The following ATP8A2 variants were observed in gnomAD, a reference collection of about 807,000 sequenced individuals.
The protein encoded by ATP8A2 is ATPase phospholipid transporting 8A2, also known as phospholipid-transporting ATPase IB.
ATP8A2 carries 100 observed loss-of-function variants against 165.6 expected under a neutral mutation model. The ratio of observed to expected loss-of-function variants is 0.60; its 90% CI spans 0.51 to 0.71. The LOEUF (loss-of-function observed/expected upper bound fraction) is 0.71, where lower values mean the gene tolerates loss of function less well. Ranked by LOEUF, ATP8A2 falls within the 30% of genes least tolerant of loss-of-function variation. ATP8A2 has a pLI of 0.00. For synonymous variants in ATP8A2, 543 were observed against 548.8 expected, an observed-to-expected ratio of 0.99 and a Z score of 0.15; for missense variants, 1,227 against 1,479.5, an observed-to-expected ratio of 0.83 and a Z score of 2.80.
At chr13:25,860,124 T>C in intron 30 of ATP8A2, 71 bp from the exon 31 acceptor site, 3 of 987,740 alleles carry the variant, frequency 3.0e-6, no homozygotes, top group Non-Finnish European at 4.8e-6. Flanking sequence ...GTTCCCTGTT[T>C]AATGCTCTGA....
chr13:25,873,381 G>A (rs192774808), intron 33 of ATP8A2, among the ~76,000 whole-genome samples: 4 of 152,334 alleles, frequency 2.6e-5, no homozygotes, highest in African/African-American at 9.6e-5. Flanking sequence ...AATGTTGGAA[G>A]GAAGAGGTCA....
chr13:25,874,593 C>T (rs1012380286), intron 33 of ATP8A2, among the ~76,000 whole-genome samples: 6 of 152,102 alleles, frequency 3.9e-5, no homozygotes, highest in Admixed American at 2.0e-4. Flanking sequence ...GTGGAGAGAT[C>T]GAAACGCTTG....
intron 6 of ATP8A2, 90 bp downstream of exon 6, chr13:25,533,403 T>A: frequency 1.4e-6 from 1 of 725,014 alleles, no homozygotes. Context: ...AAGTTTCTGT[T>A]AGACACAGTA....
Position 25,699,435 on chromosome 13 carries a change from G to C in ATP8A2, c.2384+90G>C, listed in dbSNP as rs1167600269. The C allele has an allele frequency of 7.6e-6, 8 of 1,056,416 alleles. No homozygotes were observed. In the South Asian group the frequency reaches 1.7e-4, roughly 22 times the overall value. 65.4% of individuals were successfully genotyped at this position (1,056,416 alleles called of 1,614,324 possible). On this transcript the variant is annotated intron_variant, in intron 25 of 36. Coordinates refer to ENST00000381655, the MANE Select transcript of ATP8A2 (RefSeq NM_016529.6). ...AGAAAGGGATGCATGGGAATTCTAG[G>C]TTTAAAGTTTTGTATCTAAAAAAGG...
intron 1 of ATP8A2, among the ~76,000 whole-genome samples, chr13:25,400,421 C>T (rs779529292): frequency 4.7e-4 from 71 of 152,002 alleles, no homozygotes; most frequent in Middle Eastern, 3.4e-3. Context: ...GGGGTACATG[C>T]GAGTGTTTGT....
At chr13:25,439,922 T>G (rs896823409) in intron 1 of ATP8A2, among the ~76,000 whole-genome samples, 1 of 151,112 alleles carries the variant, frequency 6.6e-6, no homozygotes, top group Non-Finnish European at 1.5e-5. Context: ...AAAAAAAAAT[T>G]AAAAGTTAAC....
At chr13:25,872,167 C>T (rs149525289) in intron 33 of ATP8A2, among the ~76,000 whole-genome samples, 124 of 152,080 alleles carry the variant, frequency 8.2e-4, no homozygotes, top group African/African-American at 2.6e-3. Context: ...CCTCACTGAC[C>T]ATGGCAGTTG....
At chr13:25,542,074 T>C (rs1426785125) in intron 9 of ATP8A2, 28 bp downstream of exon 9, 1 of 1,604,504 alleles carries the variant, frequency 6.2e-7, no homozygotes, top group Non-Finnish European at 8.5e-7. Flanking sequence ...TTCATTGTCT[T>C]TTAAACTATG....
At chr13:25,529,511 G>A (rs1439649095) in intron 2 of ATP8A2, among the ~76,000 whole-genome samples, 3 of 152,144 alleles carry the variant, frequency 2.0e-5, no homozygotes, top group Non-Finnish European at 4.4e-5. Flanking sequence ...AGGATACTTT[G>A]GTCATGGAGA....
At chr13:25,420,722 A>G (rs185651817) in intron 1 of ATP8A2, among the ~76,000 whole-genome samples, 145 of 152,356 alleles carry the variant, frequency 9.5e-4, no homozygotes, top group African/African-American at 3.3e-3. Flanking sequence ...AAAAGAGTTC[A>G]ATGCTCTCAT....
intron 24 of ATP8A2, among the ~76,000 whole-genome samples, chr13:25,616,326 C>CT (rs535891442): frequency 0.063 from 6,772 of 106,762 alleles, 453 homozygotes; most frequent in Non-Finnish European, 0.097. Flanking sequence ...TTCTTTCTTT[C>CT]TTTTTTTTTT....
rs1160721303 is a variant in ATP8A2 at position 25,701,276 on chromosome 13, C to T, written c.2384+1931C>T. Among the ~76,000 whole-genome samples the T allele has an allele frequency of 2.0e-5, 3 of 152,236 alleles. No homozygotes were observed. In the East Asian group the frequency reaches 5.8e-4, roughly 29 times the overall value. On this transcript the variant is annotated intron_variant, in intron 25 of 36. Coordinates refer to ENST00000381655, the MANE Select transcript of ATP8A2 (RefSeq NM_016529.6). Reference sequence around the variant, plus strand: ...AAGTAGCTGATCCTGTGCTTTCTTTCCTGGGTTCTATTTGAGCAGTTTAGA... The same window carrying T: ...AAGTAGCTGATCCTGTGCTTTCTTTTCTGGGTTCTATTTGAGCAGTTTAGA...
At chr13:25,846,923 A>G (rs996708976) in intron 30 of ATP8A2, among the ~76,000 whole-genome samples, 18 of 152,200 alleles carry the variant, frequency 1.2e-4, no homozygotes, top group African/African-American at 4.3e-4. Context: ...ACAAAATACC[A>G]TATTTTACAG....
chr13:25,373,505 A>T (rs957972067), intron 1 of ATP8A2, among the ~76,000 whole-genome samples: 1 of 152,156 alleles, frequency 6.6e-6, no homozygotes, highest in Admixed American at 6.5e-5. Flanking sequence ...GCAGTCATAC[A>T]GGTGTGAGAA....
intron 24 of ATP8A2, among the ~76,000 whole-genome samples, chr13:25,595,155 G>A (rs2040203983): frequency 6.6e-6 from 1 of 152,014 alleles, no homozygotes; most frequent in African/African-American, 2.4e-5. Flanking sequence ...CTACATATTT[G>A]GATAAAAGTG....
At chr13:26,004,486 C>CA (rs1463877120) in intron 35 of ATP8A2, among the ~76,000 whole-genome samples, 1 of 151,966 alleles carries the variant, frequency 6.6e-6, no homozygotes, top group Non-Finnish European at 1.5e-5. Context: ...TCTTTCCTAT[C>CA]AGGATACCTT....
At chr13:25,916,330 G>T (rs1425820553) in intron 33 of ATP8A2, among the ~76,000 whole-genome samples, 1 of 152,200 alleles carries the variant, frequency 6.6e-6, no homozygotes, top group Non-Finnish European at 1.5e-5. Context: ...CCGGGTCTGA[G>T]CCAGAGAACT....
Position 25,469,251 on chromosome 13 carries a change from C to T in ATP8A2, c.221+130C>T, listed in dbSNP as rs2035770314. ...CATCTCCCCCAGAGCCTTCCCCTGC[C>T]CCCTCCCCACCCCACTAGCCCGCGG... is the stretch of plus-strand genomic sequence containing the variant. On this transcript the variant is annotated intron_variant, in intron 2 of 36. Transcript: ENST00000381655. The T allele has an allele frequency of 4.4e-6, 5 of 1,129,328 alleles. No homozygotes were observed. In the African/African-American group the frequency reaches 4.7e-5, roughly 11 times the overall value. The allele number at this position is 1,129,328 out of a possible 1,614,324, so 70.0% of individuals were successfully genotyped here. A position where few individuals can be genotyped will look rare whatever the true frequency, so the allele number is the denominator to read the frequency against.
At chr13:25,439,630 G>A (rs921389845) in intron 1 of ATP8A2, among the ~76,000 whole-genome samples, 2 of 152,102 alleles carry the variant, frequency 1.3e-5, no homozygotes, top group African/African-American at 4.8e-5. Flanking sequence ...GTTAACCAAG[G>A]CCAGGCACAG....
Sources: allele counts gnomAD v4.1 joint callset (sites outside exome capture counted in the v4.1 genomes callset), GRCh38; gene constraint gnomAD v4.1.1; transcripts MANE v1.5; gene names NCBI Gene and HGNC (gene_info 2026-07-23, HGNC 2026-07-21).